ABL1: variants seen among roughly 807,000 people sequenced by gnomAD.
ABL1 encodes the protein tyrosine-protein kinase ABL1.
ABL1 carries 11 observed loss-of-function variants against 94.7 expected under a neutral mutation model. The ratio of observed to expected loss-of-function variants is 0.12; its 90% CI spans 0.07 to 0.19. The LOEUF is 0.19. Among genes scored for constraint, ABL1 ranks in the 10% least tolerant of loss-of-function variants. ABL1 has a pLI of 1.00. For synonymous variants in ABL1, 656 were observed against 622.4 expected (o/e 1.05, Z -0.80); for missense variants, 1,082 against 1,489.4 (o/e 0.73, Z 4.50).
intron 1 of ABL1, among the ~76,000 whole-genome samples, chr9:130,850,766 C>G (rs1003244511): frequency 1.3e-5 from 2 of 152,106 alleles, no homozygotes; most frequent in Non-Finnish European, 2.9e-5. Flanking sequence ...CTCGGCCTCC[C>G]AAAGTGCTGG....
At chr9:130,875,451 T>C (rs11794036) in intron 7 of ABL1, among the ~76,000 whole-genome samples, 6,475 of 121,746 alleles carry the variant, frequency 0.053, 266 homozygotes, top group African/African-American at 0.17. Flanking sequence ...CCACCCTTTT[T>C]TTTTTTTTTT....
chr9:130,750,460 C>A (rs1246284334), intron 1 of ABL1, among the ~76,000 whole-genome samples: 1 of 111,866 alleles, frequency 8.9e-6, no homozygotes, highest in Non-Finnish European at 1.8e-5. Context: ...TTCCTCACTC[C>A]CTTTCTTTTT....
rs184530310 is a variant in ABL1 at position 130,717,016 on chromosome 9, T to G, written c.136+2561T>G. Among the ~76,000 whole-genome samples the G allele has an allele frequency of 4.1e-4, 62 of 152,278 alleles. 1 individual carries two copies. Among genetic ancestry groups the G allele is most frequent in the African/African-American group, 1.5e-3 (62 of 41,572 alleles). ...ATAATGAAATGTATTATTTGGAAGA[T>G]CTACATAAATCAGTAAATCAATATT... On this transcript the variant is annotated intron_variant, in intron 1 of 10. Transcript: ENST00000372348.
chr9:130,768,728 C>T (rs1832214968), intron 1 of ABL1, among the ~76,000 whole-genome samples: 1 of 152,240 alleles, frequency 6.6e-6, no homozygotes, highest in East Asian at 1.9e-4. Flanking sequence ...TATAATAGGC[C>T]CACTCTATAG....
chr9:130,722,401 AT>A (rs1171705667), intron 1 of ABL1, among the ~76,000 whole-genome samples: 7 of 149,372 alleles, frequency 4.7e-5, no homozygotes, highest in African/African-American at 1.2e-4. Flanking sequence ...TCAAAAAAAA[AT>A]AAAAAGGTTA....
intron 1 of ABL1, among the ~76,000 whole-genome samples, chr9:130,825,169 A>G (rs921762604): frequency 6.6e-6 from 1 of 152,170 alleles, no homozygotes; most frequent in African/African-American, 2.4e-5. Flanking sequence ...GCCAATTCCA[A>G]CTGCCCCAGA....
At chr9:130,813,467 A>G (rs757758574) in intron 1 of ABL1, among the ~76,000 whole-genome samples, 15 of 148,010 alleles carry the variant, frequency 1.0e-4, no homozygotes, top group Non-Finnish European at 1.8e-4. Context: ...AGGCTGAGGC[A>G]GGAGAATCAC....
At chr9:130,724,840 A>G in intron 1 of ABL1, 1 of 469,242 alleles carries the variant, frequency 2.1e-6, no homozygotes, top group Non-Finnish European at 4.2e-6. Flanking sequence ...TTGTTCCTTT[A>G]TGGAAATCCA....
intron 1 of ABL1, among the ~76,000 whole-genome samples, chr9:130,714,754 C>T (rs1267304144): frequency 6.6e-6 from 1 of 152,182 alleles, no homozygotes; most frequent in Admixed American, 6.5e-5. Context: ...AGGGGCTGGA[C>T]TTCAGTGGTT....
rs938962004 is a variant in ABL1 at position 130,763,673 on chromosome 9, A to T, written c.136+49218A>T. Among the ~76,000 whole-genome samples the T allele has an allele frequency of 6.6e-5, 10 of 152,334 alleles. No individual in the cohort carries two copies. The East Asian group carries it at 1.7e-3, about 26-fold the overall frequency. ...TTCCTTGCCACACGGACCTCTCCACATGCTTCTTGCGTGTCCTCACAACAT... is the reference window on the plus strand; with the variant it reads ...TTCCTTGCCACACGGACCTCTCCACTTGCTTCTTGCGTGTCCTCACAACAT... On this transcript the variant is annotated intron_variant, in intron 1 of 10. Coordinates refer to the ABL1 transcript ENST00000372348.
chr9:130,868,225 T>G (rs1288967847), intron 4 of ABL1, among the ~76,000 whole-genome samples: 2 of 152,194 alleles, frequency 1.3e-5, no homozygotes, highest in African/African-American at 4.8e-5. Flanking sequence ...CCCAAAGTGC[T>G]GGGATTACAG....
Position 130,835,348 on chromosome 9 carries a change from GGGGCGCCGGGGGGGCGCGC to G in ABL1, c.-94_-76del, listed in dbSNP as rs772021289. 229 of 402,170 alleles carry G rather than the reference GGGGCGCCGGGGGGGCGCGC, an allele frequency of 5.7e-4. 1 individual carries two copies. In the African/African-American group the frequency reaches 0.029, roughly 50 times the overall value. 24.9% of individuals were successfully genotyped at this position (402,170 alleles called of 1,614,324 possible). On this transcript the variant is annotated 5_prime_UTR_variant, in exon 1 of 11. Transcript: ENST00000318560. The surrounding 1 kb of genome is among the most constrained non-coding windows in gnomAD (Gnocchi z 4.6). ...GCGGTGAGGGCGGCTGGCGGGGCCG[GGGGCGCCGGGGGGGCGCGC>G]GGGCCGAGCCGGGCCTGAGCCGGGC... is the stretch of plus-strand genomic sequence containing the variant.
intron 1 of ABL1, among the ~76,000 whole-genome samples, chr9:130,755,422 G>T (rs1437363566): frequency 1.3e-5 from 2 of 152,094 alleles, no homozygotes; most frequent in Admixed American, 6.6e-5. Context: ...TTTGCTTGTC[G>T]ACCTGCTTCA....
At chr9:130,818,703 G>A (rs1013522772) in intron 1 of ABL1, among the ~76,000 whole-genome samples, 14 of 152,064 alleles carry the variant, frequency 9.2e-5, no homozygotes, top group African/African-American at 1.4e-4. Flanking sequence ...TAGGGGTTTC[G>A]GATGTTCTAG....
intron 3 of ABL1, among the ~76,000 whole-genome samples, chr9:130,860,640 G>C (rs1041206266): frequency 6.6e-6 from 1 of 152,154 alleles, no homozygotes; most frequent in Non-Finnish European, 1.5e-5. Flanking sequence ...CAGGCCACAC[G>C]GGCTCTTTGA....
rs147465255 is a variant in ABL1 at position 130,859,387 on chromosome 9, C to T, written c.550-3376C>T. Among the ~76,000 whole-genome samples the T allele has an allele frequency of 3.9e-4, 59 of 152,300 alleles. No homozygotes were observed. In the East Asian group the frequency reaches 7.9e-3, roughly 20 times the overall value. On this transcript the variant is annotated intron_variant, in intron 3 of 10. Coordinates refer to ENST00000318560, the MANE Select transcript of ABL1 (RefSeq NM_005157.6). ...GCCTCTTAGATGTTTAAGGTTTACC[C>T]GCCCTGACAGTGGCTCAGCAGGCGT...
In ABL1 at chr9:130,887,492, C is replaced by T. The variant is rs550347731; in HGVS notation, c.*1809C>T. 14 of 233,322 alleles carry T rather than the reference C, an allele frequency of 6.0e-5. No homozygotes were observed. Among genetic ancestry groups the T allele is most frequent in the African/African-American group, 2.4e-4 (11 of 45,406 alleles). The allele number at this position is 233,322 out of a possible 1,614,324, so 14.5% of individuals were successfully genotyped here. ...TCTCTTGGTATGCATCTTTTATAGA[C>T]GCTCTTTTCTAAGTGGCGTGTGCAT... On this transcript the variant is annotated 3_prime_UTR_variant, in exon 11 of 11. Transcript: ENST00000318560.
At chr9:130,718,244 G>A (rs1225304089) in intron 1 of ABL1, among the ~76,000 whole-genome samples, 4 of 151,302 alleles carry the variant, frequency 2.6e-5, no homozygotes, top group Admixed American at 6.6e-5. Flanking sequence ...CTTGAGCCCC[G>A]GGGGAAGAGG....
At chr9:130,882,685 C>T (rs959615438) in intron 10 of ABL1, among the ~76,000 whole-genome samples, 1 of 152,070 alleles carries the variant, frequency 6.6e-6, no homozygotes, top group Admixed American at 6.5e-5. Flanking sequence ...CAGGCGTGTG[C>T]CACCACACCC....
Sources: allele counts gnomAD v4.1 joint callset (sites outside exome capture counted in the v4.1 genomes callset), GRCh38; gene constraint gnomAD v4.1.1; non-coding constraint Gnocchi (gnomAD v3.1); transcripts MANE v1.5; gene names NCBI Gene and HGNC (gene_info 2026-07-23, HGNC 2026-07-21).